The following RAB6A variants were observed in gnomAD, a reference collection of about 807,000 sequenced individuals.
RAB6A encodes RAB6A, member RAS oncogene family, also known as ras-related protein Rab-6A.
RAB6A carries 8 observed loss-of-function variants against 32.3 expected under a neutral mutation model. The ratio of observed to expected loss-of-function variants is 0.25; its 90% CI spans 0.15 to 0.45. The LOEUF (loss-of-function observed/expected upper bound fraction) is 0.45. Among genes scored for constraint, RAB6A ranks in the 20% least tolerant of loss-of-function variants. RAB6A has a pLI of 1.00. For synonymous variants in RAB6A, 73 were observed against 82.1 expected, an observed-to-expected ratio of 0.89 and a Z score of 0.60; for missense variants, 104 against 249.4, an observed-to-expected ratio of 0.42 and a Z score of 3.93.
chr11:73,722,977 T>C (rs1353586437), intron 2 of RAB6A, among the ~76,000 whole-genome samples: 2 of 152,142 alleles, frequency 1.3e-5, no homozygotes, highest in Non-Finnish European at 2.9e-5. Flanking sequence ...CAGCTACTTT[T>C]TGTATTTTTA....
chr11:73,733,824 A>C (rs1185605608), intron 1 of RAB6A, among the ~76,000 whole-genome samples: 1 of 152,110 alleles, frequency 6.6e-6, no homozygotes, highest in African/African-American at 2.4e-5. Context: ...AAAGGGAGCC[A>C]AGGAATCTTC....
At chr11:73,697,384 G>A (rs2134897276) in intron 6 of RAB6A, among the ~76,000 whole-genome samples, 1 of 151,804 alleles carries the variant, frequency 6.6e-6, no homozygotes, top group South Asian at 2.1e-4. Context: ...AGACTGGAGT[G>A]CAGTGGCATG....
At chr11:73,757,033 C>T (rs1369422710) in intron 1 of RAB6A, among the ~76,000 whole-genome samples, 3 of 140,258 alleles carry the variant, frequency 2.1e-5, no homozygotes, top group Non-Finnish European at 3.0e-5. Flanking sequence ...GTCATTAACT[C>T]AATCTGCTTC....
intron 3 of RAB6A, chr11:73,719,017 T>C (rs1946095279): frequency 6.4e-6 from 5 of 785,390 alleles, no homozygotes; most frequent in African/African-American, 3.5e-5. Context: ...ATGCAAGAGG[T>C]TGCAGGGAGT....
intron 2 of RAB6A, among the ~76,000 whole-genome samples, chr11:73,727,078 A>G (rs1390941796): frequency 6.6e-6 from 1 of 152,206 alleles, no homozygotes; most frequent in Non-Finnish European, 1.5e-5. Context: ...GTATTCAAAG[A>G]AAGAAATAAA....
At chr11:73,722,426 C>A (rs1946156953) in intron 2 of RAB6A, 1 of 143,244 alleles carries the variant, frequency 7.0e-6, no homozygotes, top group African/African-American at 2.6e-5. Context: ...TGTCTCAGTG[C>A]AGCCTCAACC....
At chr11:73,745,796 G>A (rs1388483746) in intron 1 of RAB6A, among the ~76,000 whole-genome samples, 1 of 151,816 alleles carries the variant, frequency 6.6e-6, no homozygotes, top group Non-Finnish European at 1.5e-5. Flanking sequence ...CACTCCACTG[G>A]ACTCCAGCCT....
intron 3 of RAB6A, among the ~76,000 whole-genome samples, chr11:73,719,469 T>G (rs1946102755): frequency 6.6e-6 from 1 of 152,240 alleles, no homozygotes; most frequent in African/African-American, 2.4e-5. Flanking sequence ...CGTGTGTGTG[T>G]ATAATGTAAC....
At chr11:73,704,079 T>C (rs199845182) in intron 6 of RAB6A, 30 of 214,666 alleles carry the variant, frequency 1.4e-4, no homozygotes, top group African/African-American at 5.9e-4. Context: ...AGTTGTACAA[T>C]GCTATAAATT....
rs1168204651 is a variant in RAB6A at position 73,700,566 on chromosome 11, A to C, written c.495+6854T>G. Among the ~76,000 whole-genome samples the C allele has an allele frequency of 6.3e-5, 8 of 127,286 alleles. No homozygotes were observed. The Admixed American group carries it at 7.1e-4, about 11-fold the overall frequency. 83.5% of individuals were successfully genotyped at this position (127,286 alleles called of 152,430 possible). On this transcript the variant is annotated intron_variant, in intron 6 of 7. Coordinates refer to ENST00000336083, the MANE Select transcript of RAB6A (RefSeq NM_198896.2). ...ACCACTATACTCCAGCCTGGGTGACAGAGCAAGACCCTGTCTCAAAAAAAA... is the reference window on the plus strand; with the variant it reads ...ACCACTATACTCCAGCCTGGGTGACCGAGCAAGACCCTGTCTCAAAAAAAA...
At chr11:73,759,193 G>A (rs1946804774) in intron 1 of RAB6A, among the ~76,000 whole-genome samples, 1 of 152,128 alleles carries the variant, frequency 6.6e-6, no homozygotes, top group Non-Finnish European at 1.5e-5. Context: ...AAAACACCTA[G>A]TAGGTACTCA....
intron 3 of RAB6A, among the ~76,000 whole-genome samples, chr11:73,720,222 C>T (rs1490099826): frequency 6.9e-6 from 1 of 144,338 alleles, no homozygotes; most frequent in Non-Finnish European, 1.5e-5. Context: ...CTCTTGTTGC[C>T]CAGGCTAGAG....
At chr11:73,752,876 A>G (rs1427720270) in intron 1 of RAB6A, among the ~76,000 whole-genome samples, 1 of 152,078 alleles carries the variant, frequency 6.6e-6, no homozygotes, top group African/African-American at 2.4e-5. Context: ...AAAATGGAAG[A>G]AAGTTGAGAA....
intron 1 of RAB6A, among the ~76,000 whole-genome samples, chr11:73,733,426 G>A (rs938779827): frequency 6.6e-6 from 1 of 152,004 alleles, no homozygotes; most frequent in African/African-American, 2.4e-5. Context: ...ATGCGCGCCT[G>A]TAATCCCAGC....
At chr11:73,699,379 C>T (rs2134901678) in intron 6 of RAB6A, among the ~76,000 whole-genome samples, 1 of 152,330 alleles carries the variant, frequency 6.6e-6, no homozygotes, top group Non-Finnish European at 1.5e-5. Flanking sequence ...CCATCTCAGG[C>T]TCTCTCAGGC....
intron 6 of RAB6A, among the ~76,000 whole-genome samples, chr11:73,689,414 C>G (rs566575375): frequency 2.0e-5 from 3 of 152,190 alleles, no homozygotes; most frequent in African/African-American, 7.2e-5. Flanking sequence ...AGAGCTCAGG[C>G]TGTAATGCTG....
intron 2 of RAB6A, among the ~76,000 whole-genome samples, chr11:73,724,578 CG>C (rs1379413311): frequency 6.6e-6 from 1 of 151,702 alleles, no homozygotes; most frequent in Non-Finnish European, 1.5e-5. Context: ...CTCCGCCTCC[CG>C]GGGTTCACGC....
chr11:73,749,375 G>T (rs114638354), intron 1 of RAB6A, among the ~76,000 whole-genome samples: 18 of 152,220 alleles, frequency 1.2e-4, no homozygotes, highest in African/African-American at 4.3e-4. Context: ...GTGGGAGAGG[G>T]ATAAAAGACT....
Position 73,678,612 on chromosome 11 carries a change from A to G in RAB6A, c.563-650T>C, listed in dbSNP as rs181246155. 1.1e-3 allele frequency among the ~76,000 whole-genome samples: 169 copies of G among 151,914 alleles called. 1 individual carries two copies. Among genetic ancestry groups the G allele is most frequent in the African/African-American group, 3.9e-3 (161 of 41,470 alleles). On this transcript the variant is annotated intron_variant, in intron 7 of 7. Transcript: ENST00000336083. ...AGCCTGGGCGACAGAATGAGACTCC[A>G]TCTCAAAAAAAAACGGCGGTGGGCG...
Sources: allele counts gnomAD v4.1 joint callset (sites outside exome capture counted in the v4.1 genomes callset), GRCh38; gene constraint gnomAD v4.1.1; transcripts MANE v1.5; gene names NCBI Gene and HGNC (gene_info 2026-07-23, HGNC 2026-07-21).